The following C12orf42 variants were observed in gnomAD, a reference collection of about 807,000 sequenced individuals.
The protein encoded by C12orf42 is uncharacterized protein C12orf42.
C12orf42 carries 25 observed loss-of-function variants against 21.6 expected under a neutral mutation model. The ratio of observed to expected loss-of-function variants is 1.16; its 90% confidence interval spans 0.84 to 1.62. The LOEUF is 1.62. Among genes scored for constraint, C12orf42 ranks in the 40% most tolerant of loss-of-function variants. C12orf42 has a pLI of 0.00. For synonymous variants in C12orf42, 174 were observed against 175.0 expected, an observed-to-expected ratio of 0.99 and a Z score of 0.05; for missense variants, 483 against 459.3, an observed-to-expected ratio of 1.05 and a Z score of -0.47.
chr12:103,554,202 G>A, the C12orf42 span, among the ~76,000 whole-genome samples: 1 of 152,056 alleles, frequency 6.6e-6, no homozygotes, highest in Non-Finnish European at 1.5e-5. Context: ...AAAAAACTAT[G>A]TTAACAAAAT....
At chr12:103,140,927 T>C in the C12orf42 span, among the ~76,000 whole-genome samples, 1 of 152,102 alleles carries the variant, frequency 6.6e-6, no homozygotes, top group Non-Finnish European at 1.5e-5. Flanking sequence ...ACTGAAAAAT[T>C]GCTGCTGTAT....
intron 4 of C12orf42, among the ~76,000 whole-genome samples, chr12:103,312,682 T>C (rs2039083103): frequency 6.6e-6 from 1 of 152,188 alleles, no homozygotes; most frequent in Admixed American, 6.5e-5. Flanking sequence ...CTCCCAAATA[T>C]TCAAGTTTTA....
intron 4 of C12orf42, among the ~76,000 whole-genome samples, chr12:103,329,989 C>G (rs2041094675): frequency 1.3e-5 from 2 of 151,938 alleles, no homozygotes; most frequent in African/African-American, 2.4e-5. Flanking sequence ...ATTTCCCATG[C>G]CAATACATAT....
chr12:103,288,162 A>G (rs939012011), intron 4 of C12orf42, among the ~76,000 whole-genome samples: 2 of 152,180 alleles, frequency 1.3e-5, no homozygotes, highest in South Asian at 4.1e-4. Flanking sequence ...TACACCATTA[A>G]TCAATTGTTA....
chr12:103,255,345 C>A (rs2034509888), intron 10 of C12orf42, among the ~76,000 whole-genome samples: 1 of 152,126 alleles, frequency 6.6e-6, no homozygotes, highest in South Asian at 2.1e-4. Flanking sequence ...GCACTCCAGT[C>A]TGGCGACAGA....
At chr12:103,256,792 G>A (rs1000858318) in intron 10 of C12orf42, among the ~76,000 whole-genome samples, 3 of 152,094 alleles carry the variant, frequency 2.0e-5, no homozygotes, top group Admixed American at 6.6e-5. Flanking sequence ...GAAGATTCTT[G>A]GTTGGGGAAG....
At chr12:103,518,901 C>T in the C12orf42 span, among the ~76,000 whole-genome samples, 2 of 152,106 alleles carry the variant, frequency 1.3e-5, no homozygotes, top group African/African-American at 4.8e-5. Flanking sequence ...ACCTAAATCC[C>T]TTCTGAAATC....
intron 10 of C12orf42, among the ~76,000 whole-genome samples, chr12:103,253,706 C>T (rs2034418336): frequency 6.6e-6 from 1 of 152,070 alleles, no homozygotes; most frequent in Non-Finnish European, 1.5e-5. Flanking sequence ...AACTTTCACT[C>T]CTGCTTTAAA....
intron 5 of C12orf42, chr12:103,270,357 G>A: frequency 7.5e-6 from 1 of 133,340 alleles, no homozygotes; most frequent in Non-Finnish European, 1.6e-5. Context: ...AGGAGGGAAG[G>A]AAGGAAGAAA....
intron 2 of C12orf42, among the ~76,000 whole-genome samples, chr12:103,438,459 G>T (rs2082176018): frequency 6.6e-6 from 1 of 152,034 alleles, no homozygotes; most frequent in Non-Finnish European, 1.5e-5. Flanking sequence ...AAAAGAGGAA[G>T]TCAAATTGTC....
the C12orf42 span, among the ~76,000 whole-genome samples, chr12:103,183,905 T>C: frequency 2.0e-5 from 3 of 152,222 alleles, no homozygotes; most frequent in Non-Finnish European, 4.4e-5. Context: ...TTCTAGTTTC[T>C]CTCTATTATG....
chr12:103,523,945 G>GA, the C12orf42 span, among the ~76,000 whole-genome samples: 1 of 152,072 alleles, frequency 6.6e-6, no homozygotes, highest in Non-Finnish European at 1.5e-5. Flanking sequence ...TTCACTCACT[G>GA]AATAGGCATG....
chr12:103,393,598 A>G (rs893882464), intron 3 of C12orf42, among the ~76,000 whole-genome samples: 3 of 152,174 alleles, frequency 2.0e-5, no homozygotes, highest in South Asian at 4.1e-4. Flanking sequence ...CTTTTTCTCT[A>G]TAGTATCACT....
chr12:103,064,751 G>A, the C12orf42 span, among the ~76,000 whole-genome samples: 1 of 151,298 alleles, frequency 6.6e-6, no homozygotes, highest in Non-Finnish European at 1.5e-5. Flanking sequence ...ATTGGGGAAA[G>A]GGAAATGATC....
chr12:103,554,826 A>G, the C12orf42 span, among the ~76,000 whole-genome samples: 6 of 152,302 alleles, frequency 3.9e-5, no homozygotes, highest in Admixed American at 1.3e-4. Flanking sequence ...AACCATGCCA[A>G]TGATCCAGTC....
chr12:103,244,935 ATATCT>A (rs2033940139), intron 10 of C12orf42, among the ~76,000 whole-genome samples: 1 of 152,118 alleles, frequency 6.6e-6, no homozygotes, highest in South Asian at 2.1e-4. Flanking sequence ...TCAGAAGCAC[ATATCT>A]TAATTCATCT....
chr12:103,108,268 GT>G, the C12orf42 span, among the ~76,000 whole-genome samples: 5 of 151,718 alleles, frequency 3.3e-5, no homozygotes, highest in Admixed American at 1.3e-4. Flanking sequence ...TATATAAGAT[GT>G]TTTAGAAAAG....
At chr12:103,256,103 TATATATATACACAC>T (rs1253120885) in intron 10 of C12orf42, among the ~76,000 whole-genome samples, 68 of 57,186 alleles carry the variant, frequency 1.2e-3, no homozygotes, top group Admixed American at 3.1e-3. Context: ...TATATATATA[TATATATATACACAC>T]ACACACACAC....
At chr12:103,517,386 T>C in the C12orf42 span, among the ~76,000 whole-genome samples, 1 of 152,194 alleles carries the variant, frequency 6.6e-6, no homozygotes, top group African/African-American at 2.4e-5. Context: ...TTGAGAAGCA[T>C]ACAGTCTGCA....
Sources: allele counts gnomAD v4.1 joint callset (sites outside exome capture counted in the v4.1 genomes callset), GRCh38; gene constraint gnomAD v4.1.1; transcripts MANE v1.5; gene names NCBI Gene and HGNC (gene_info 2026-07-23, HGNC 2026-07-21).